KDM2B: variants seen among roughly 807,000 people sequenced by gnomAD.
KDM2B encodes lysine-specific demethylase 2B.
In KDM2B, 26 loss-of-function variants were observed where a neutral mutation model predicts 150.0. The observed-to-expected ratio is 0.17, with a 90% CI of 0.13 to 0.24. The LOEUF is 0.24. Among genes scored for constraint, KDM2B ranks in the 10% least tolerant of loss-of-function variants. The probability of loss-of-function intolerance (pLI) is 1.00; values close to 1 mark genes in which losing one functional copy is unlikely to be tolerated. For missense variants in KDM2B, 1,265 were observed against 1,816.9 expected, an observed-to-expected ratio of 0.70 and a Z score of 5.52; for synonymous variants, 734 against 729.5, an observed-to-expected ratio of 1.01 and a Z score of -0.10.
In KDM2B at chr12:121,453,063, C is replaced by T. The variant is rs1157602961; in HGVS notation, c.1959+57G>A. 4.9e-6 allele frequency: 7 copies of T among 1,433,398 alleles called. No homozygotes were observed. The South Asian group carries it at 6.6e-5, about 14-fold the overall frequency. 88.8% of individuals were successfully genotyped at this position (1,433,398 alleles called of 1,614,324 possible). A position where few individuals can be genotyped will look rare whatever the true frequency, so the allele number is the denominator to read the frequency against. On this transcript the variant is annotated intron_variant, in intron 13 of 22. Transcript: ENST00000377071. The surrounding 1 kb of genome is among the most constrained non-coding windows in gnomAD (Gnocchi z 6.4). ...CCAGAGCGAGCAGCGGTCAGACACG[C>T]GGGCCGGCACGCAGGGGCCTGAATC...
chr12:121,553,954 G>A (rs1362472016), intron 4 of KDM2B, among the ~76,000 whole-genome samples: 1 of 151,838 alleles, frequency 6.6e-6, no homozygotes, highest in East Asian at 1.9e-4. Context: ...AATCCCAACA[G>A]TTTGGGAGAC....
chr12:121,575,670 G>T lies in KDM2B; in HGVS notation c.350+111C>A. Reference sequence around the variant, plus strand: ...ATGCTGTTCCCAGATCGTGAAAAAAGATCCTTCTCAGTGATGAGAGGTGGG... The same window carrying T: ...ATGCTGTTCCCAGATCGTGAAAAAATATCCTTCTCAGTGATGAGAGGTGGG... On this transcript the variant is annotated intron_variant, in intron 3 of 22. Coordinates refer to ENST00000377071, the MANE Select transcript of KDM2B (RefSeq NM_032590.5). This position sits in a 1 kb window ranked among gnomAD's most constrained non-coding sequence, Gnocchi z 4.4. 1.2e-6 allele frequency: 1 copy of T among 800,644 alleles called. No individual in the cohort carries two copies. The allele number at this position is 800,644 out of a possible 1,614,324, so 49.6% of individuals were successfully genotyped here. A position where few individuals can be genotyped will look rare whatever the true frequency, so the allele number is the denominator to read the frequency against.
intron 12 of KDM2B, among the ~76,000 whole-genome samples, chr12:121,476,527 G>A (rs1209907733): frequency 6.6e-6 from 1 of 151,426 alleles, no homozygotes; most frequent in Non-Finnish European, 1.5e-5. Flanking sequence ...AAATTAAAAA[G>A]AGTGACTTTA....
At chr12:121,554,691 G>A (rs953846269) in intron 4 of KDM2B, among the ~76,000 whole-genome samples, 2 of 152,126 alleles carry the variant, frequency 1.3e-5, no homozygotes, top group Admixed American at 1.3e-4. Context: ...GATTACAGGC[G>A]TGAGCCACCG....
intron 19 of KDM2B, among the ~76,000 whole-genome samples, chr12:121,441,839 G>A (rs1875142204): frequency 6.6e-6 from 1 of 152,216 alleles, no homozygotes; most frequent in African/African-American, 2.4e-5. Flanking sequence ...GCAGAGCTAA[G>A]GCCAGAAAGC....
intron 10 of KDM2B, among the ~76,000 whole-genome samples, chr12:121,512,326 C>A (rs1469416899): frequency 1.3e-5 from 2 of 152,000 alleles, no homozygotes; most frequent in Non-Finnish European, 2.9e-5. Context: ...AAGGCCCCAG[C>A]AGAAACACTG....
At chr12:121,543,400 G>C (rs944753695) in intron 6 of KDM2B, among the ~76,000 whole-genome samples, 1 of 152,102 alleles carries the variant, frequency 6.6e-6, no homozygotes, top group Admixed American at 6.6e-5. Context: ...TAAGCCAGCT[G>C]GGCATGGTGG....
intron 6 of KDM2B, among the ~76,000 whole-genome samples, chr12:121,538,968 C>T (rs1413922982): frequency 6.6e-6 from 1 of 151,972 alleles, no homozygotes; most frequent in African/African-American, 2.4e-5. Flanking sequence ...CACCAGAGTC[C>T]CCGCCCTCCT....
At chr12:121,507,099 GAA>G (rs577971662) in intron 11 of KDM2B, among the ~76,000 whole-genome samples, 3 of 39,398 alleles carry the variant, frequency 7.6e-5, no homozygotes, top group Admixed American at 2.5e-4. Context: ...TCTGTCTCAA[GAA>G]AAAAAAAAAA....
At chr12:121,409,234 C>G in the KDM2B span, among the ~76,000 whole-genome samples, 1 of 152,156 alleles carries the variant, frequency 6.6e-6, no homozygotes. Flanking sequence ...CTGGCCTCGG[C>G]CTCCCAAACT....
At chr12:121,483,496 G>C (rs970235880) in intron 12 of KDM2B, among the ~76,000 whole-genome samples, 3 of 151,970 alleles carry the variant, frequency 2.0e-5, no homozygotes, top group Non-Finnish European at 4.4e-5. Context: ...AGCATGGCAA[G>C]ACCCCATCTC....
At chr12:121,498,343 C>T (rs529019427) in intron 11 of KDM2B, among the ~76,000 whole-genome samples, 12 of 152,162 alleles carry the variant, frequency 7.9e-5, no homozygotes, top group African/African-American at 2.7e-4. Context: ...CAATAGGGAA[C>T]GGTGAGGCCT....
chr12:121,466,379 C>G (rs1275275769), intron 12 of KDM2B, among the ~76,000 whole-genome samples: 2 of 152,180 alleles, frequency 1.3e-5, no homozygotes, highest in Non-Finnish European at 2.9e-5. Flanking sequence ...CGAACCTTCC[C>G]GGAGTAAATT....
chr12:121,522,995 A>C (rs782315020), intron 8 of KDM2B, among the ~76,000 whole-genome samples: 2 of 152,240 alleles, frequency 1.3e-5, no homozygotes, highest in Non-Finnish European at 2.9e-5. Flanking sequence ...ACTGCAATTC[A>C]CAGTGGCCAT....
At chr12:121,478,280 G>A (rs983924621) in intron 12 of KDM2B, among the ~76,000 whole-genome samples, 5 of 151,980 alleles carry the variant, frequency 3.3e-5, no homozygotes, top group Non-Finnish European at 4.4e-5. Context: ...TCGCCACTCC[G>A]GTAGTAAGCA....
intron 4 of KDM2B, among the ~76,000 whole-genome samples, chr12:121,568,679 G>A (rs782724195): frequency 2.0e-5 from 3 of 152,130 alleles, no homozygotes; most frequent in Non-Finnish European, 2.9e-5. Context: ...ACTAGCAGTG[G>A]AGGGCGGAGA....
intron 4 of KDM2B, among the ~76,000 whole-genome samples, chr12:121,556,303 C>A (rs868947243): frequency 1.5e-4 from 23 of 152,114 alleles, no homozygotes; most frequent in Admixed American, 3.9e-4. Flanking sequence ...CTCACTGTAG[C>A]CTCAAACTCC....
At chr12:121,538,566 G>C (rs1555309158) in intron 6 of KDM2B, among the ~76,000 whole-genome samples, 1 of 152,170 alleles carries the variant, frequency 6.6e-6, no homozygotes, top group Non-Finnish European at 1.5e-5. Context: ...CTTAGTGACT[G>C]TGTACCCTAC....
chr12:121,472,635 G>C (rs560987965), intron 12 of KDM2B, among the ~76,000 whole-genome samples: 1 of 152,320 alleles, frequency 6.6e-6, no homozygotes, highest in African/African-American at 2.4e-5. Flanking sequence ...GAAGATGTGT[G>C]ACTGTGCACA....
Sources: gnomAD v4.1 joint callset for allele counts (sites outside exome capture counted in the v4.1 genomes callset) on GRCh38, gnomAD v4.1.1 for gene constraint, Gnocchi (gnomAD v3.1) non-coding constraint, MANE v1.5 for transcripts, NCBI Gene and HGNC (gene_info 2026-07-23, HGNC 2026-07-21) for gene names.